Variants in MTAP observed in about 807,000 individuals in gnomAD.
MTAP encodes S-methyl-5'-thioadenosine phosphorylase.
MTAP carries 33 observed loss-of-function variants against 33.6 expected under a neutral mutation model. The observed-to-expected ratio is 0.98, with a 90% CI of 0.74 to 1.31. MTAP has a LOEUF of 1.31. Among genes scored for constraint, MTAP ranks in the 40% most tolerant of loss-of-function variants. The probability of loss-of-function intolerance (pLI) is 0.00; values close to 1 mark genes in which losing one functional copy is unlikely to be tolerated. For missense variants in MTAP, 367 were observed against 360.0 expected (o/e 1.02, Z -0.16); for synonymous variants, 148 against 125.7 (o/e 1.18, Z -1.19).
chr9:21,914,183 G>A (rs1303525450), intron 1 of MTAP, among the ~76,000 whole-genome samples: 1 of 152,146 alleles, frequency 6.6e-6, no homozygotes, highest in Non-Finnish European at 1.5e-5. Flanking sequence ...ACTGTTGGTG[G>A]GACTGTAAAC....
chr9:21,871,073 G>A (rs1825929879), downstream of MTAP, among the ~76,000 whole-genome samples: 1 of 152,056 alleles, frequency 6.6e-6, no homozygotes, highest in Non-Finnish European at 1.5e-5. Context: ...GCCTGGCTGT[G>A]AGGCTAAATT....
intron 1 of MTAP, among the ~76,000 whole-genome samples, chr9:21,901,832 AAAAC>A (rs757035525): frequency 6.6e-6 from 1 of 152,210 alleles, no homozygotes; most frequent in Non-Finnish European, 1.5e-5. Context: ...ACAGTGAAGA[AAAAC>A]AGAAGTAAGC....
chr9:21,887,452 T>A (rs1818130280), intron 1 of MTAP, among the ~76,000 whole-genome samples: 1 of 151,806 alleles, frequency 6.6e-6, no homozygotes, highest in Admixed American at 6.6e-5. Flanking sequence ...CATCATTTTT[T>A]ATGGCTGCAT....
At chr9:21,904,931 C>T (rs1421687367) in intron 1 of MTAP, among the ~76,000 whole-genome samples, 4 of 152,084 alleles carry the variant, frequency 2.6e-5, no homozygotes, top group African/African-American at 7.2e-5. Flanking sequence ...GGGTATGTGA[C>T]GGGGTGTGGC....
At chr9:21,869,532 C>A (rs1041668026), downstream of MTAP, among the ~76,000 whole-genome samples, 1 of 152,072 alleles carries the variant, frequency 6.6e-6, no homozygotes, top group South Asian at 2.1e-4. Context: ...GAGCTCAATC[C>A]TTGGATTTCT....
intron 1 of MTAP, among the ~76,000 whole-genome samples, chr9:21,891,303 A>G (rs1019143615): frequency 9.2e-5 from 14 of 152,274 alleles, no homozygotes; most frequent in Non-Finnish European, 7.4e-5. Context: ...AATGGCTGAA[A>G]TGACAAACAT....
intron 4 of MTAP, among the ~76,000 whole-genome samples, chr9:21,819,346 T>C (rs1378969934): frequency 1.3e-5 from 2 of 152,142 alleles, no homozygotes; most frequent in African/African-American, 4.8e-5. Flanking sequence ...TATGTCCAAG[T>C]GTTCTCATTG....
At chr9:21,913,778 G>A (rs910287276) in intron 1 of MTAP, among the ~76,000 whole-genome samples, 2 of 152,170 alleles carry the variant, frequency 1.3e-5, no homozygotes, top group African/African-American at 2.4e-5. Flanking sequence ...ATTGACAAAT[G>A]GGATCTAATT....
At chr9:21,835,151 G>A (rs1014880938) in intron 4 of MTAP, among the ~76,000 whole-genome samples, 1 of 152,110 alleles carries the variant, frequency 6.6e-6, no homozygotes, top group Non-Finnish European at 1.5e-5. Context: ...GGGCGACCTA[G>A]CTCTCTGGGA....
At chr9:21,925,089 G>C (rs556952206) in intron 1 of MTAP, among the ~76,000 whole-genome samples, 1 of 152,284 alleles carries the variant, frequency 6.6e-6, no homozygotes, top group African/African-American at 2.4e-5. Context: ...GCCCCAATTG[G>C]GATTACAATA....
Position 21,802,701 on chromosome 9 carries a change from C to A in MTAP, c.-48C>A. 1 of 1,596,504 alleles carries A rather than the reference C, an allele frequency of 6.3e-7. No individual in the cohort carries two copies. Among genetic ancestry groups the A allele is most frequent in the East Asian group, 2.3e-5 (1 of 43,842 alleles). On this transcript the variant is annotated 5_prime_UTR_variant, in exon 1 of 8. Transcript: ENST00000644715. Reference sequence around the variant, plus strand: ...CACCGCTCTGTGGCTCGCTTGGTTCCCTTAGTCCCGAGCGCTCGCCCACTG... The same window carrying A: ...CACCGCTCTGTGGCTCGCTTGGTTCACTTAGTCCCGAGCGCTCGCCCACTG...
intron 1 of MTAP, among the ~76,000 whole-genome samples, chr9:21,895,909 A>C (rs1392331635): frequency 6.6e-6 from 1 of 152,172 alleles, no homozygotes; most frequent in Non-Finnish European, 1.5e-5. Flanking sequence ...CACCAAGCGG[A>C]CCTAATAGAC....
chr9:21,825,504 C>G (rs1452332146), intron 4 of MTAP, among the ~76,000 whole-genome samples: 3 of 152,080 alleles, frequency 2.0e-5, no homozygotes, highest in Non-Finnish European at 4.4e-5. Context: ...CTGTTTTTGT[C>G]ACATCCTCAT....
chr9:21,910,399 T>C (rs1818552538), intron 1 of MTAP, among the ~76,000 whole-genome samples: 1 of 152,164 alleles, frequency 6.6e-6, no homozygotes, highest in African/African-American at 2.4e-5. Flanking sequence ...AGTGTGATCA[T>C]CAGAGAAGCA....
At chr9:21,868,235 G>C (rs1019168212), downstream of MTAP, among the ~76,000 whole-genome samples, 1 of 152,138 alleles carries the variant, frequency 6.6e-6, no homozygotes, top group African/African-American at 2.4e-5. Flanking sequence ...TAGCTTCATA[G>C]CAGTTTATGT....
At position 21,864,180 on chromosome 9, in the gene MTAP, C is replaced by T; in HGVS notation, c.*2166C>T. On this transcript the variant is annotated 3_prime_UTR_variant, in exon 8 of 8. Transcript: ENST00000644715. ...GTACTTTTCTTGATTAAATAGCCTT[C>T]TCTAGCAACATCATTTTCAGACTAA... 1 of 985,392 alleles carries T rather than the reference C, an allele frequency of 1.0e-6. No homozygotes were observed. The highest frequency in any genetic ancestry group is 1.2e-6 in the Non-Finnish European group (1 of 829,928). The allele number at this position is 985,392 out of a possible 1,614,324, so 61.0% of individuals were successfully genotyped here. A position where few individuals can be genotyped will look rare whatever the true frequency, so the allele number is the denominator to read the frequency against.
intron 1 of MTAP, among the ~76,000 whole-genome samples, chr9:21,808,411 C>T (rs1824260892): frequency 7.7e-6 from 1 of 129,034 alleles, no homozygotes; most frequent in Admixed American, 7.8e-5. Context: ...ATGGTGAAAC[C>T]TCATCTCTGC....
Position 21,818,169 on chromosome 9 carries a change from G to C in MTAP, c.314G>C (p.Gly105Ala). 6.2e-7 allele frequency: 1 copy of C among 1,613,960 alleles called. No individual in the cohort carries two copies. The highest frequency in any genetic ancestry group is 8.5e-7 in the Non-Finnish European group (1 of 1,179,998). Reference protein sequence around the residue: ...CGSLREEIQPGDIVIIDQFID... With the variant: ...CGSLREEIQPADIVIIDQFID... ...TCCTTGAGGGAGGAGATTCAGCCCG[G>C]CGATATTGTCATTATTGATCAGTTC... is the stretch of plus-strand genomic sequence containing the variant. Residue 105 changes from glycine to alanine, a missense_variant, in exon 4 of 8, where the codon GGC becomes GCC. By Grantham distance (60) the Gly-to-Ala change is moderately conservative. Transcript: ENST00000644715.
chr9:21,853,295 G>C (rs778796553), intron 5 of MTAP, among the ~76,000 whole-genome samples: 1 of 152,010 alleles, frequency 6.6e-6, no homozygotes, highest in African/African-American at 2.4e-5. Flanking sequence ...TTAACTTTAG[G>C]GGGGAAAAGG....
Sources: allele counts gnomAD v4.1 joint callset (sites outside exome capture counted in the v4.1 genomes callset), GRCh38; gene constraint gnomAD v4.1.1; transcripts MANE v1.5; gene names NCBI Gene and HGNC (gene_info 2026-07-23, HGNC 2026-07-21).